LRRC37A2: variants seen among roughly 807,000 people sequenced by gnomAD.
LRRC37A2 encodes leucine rich repeat containing 37 member A2.
Under a neutral mutation model 68.8 loss-of-function variants are expected in LRRC37A2, and 9 were observed. The ratio of observed to expected loss-of-function variants is 0.13; its 90% CI spans 0.08 to 0.23. The LOEUF is 0.23. Among genes scored for constraint, LRRC37A2 ranks in the 10% least tolerant of loss-of-function variants. LRRC37A2 has a pLI of 1.00. For synonymous variants in LRRC37A2, 63 were observed against 367.6 expected (o/e 0.17, Z 9.48); for missense variants, 168 against 950.4 (o/e 0.18, Z 10.82).
chr17:46,777,685 A>AT, the LRRC37A2 span, among the ~76,000 whole-genome samples: 1 of 152,104 alleles, frequency 6.6e-6, no homozygotes, highest in Non-Finnish European at 1.5e-5. Flanking sequence ...ATCTCACTGA[A>AT]TCCTCACAAC....
the LRRC37A2 span, among the ~76,000 whole-genome samples, chr17:47,010,002 G>T: frequency 2.2e-3 from 330 of 152,342 alleles, 1 homozygote; most frequent in Non-Finnish European, 3.7e-3. Context: ...TTTCACAGAT[G>T]GTTGACCGAT....
At chr17:46,921,197 G>A in the LRRC37A2 span, 87,993 of 152,010 alleles carry the variant, frequency 0.58, 25,582 homozygotes, top group Non-Finnish European at 0.62. Context: ...CTGACAACAC[G>A]CATACGGTTA....
the LRRC37A2 span, chr17:46,833,225 G>A: frequency 3.6e-5 from 15 of 411,486 alleles, no homozygotes; most frequent in Middle Eastern, 3.7e-4. Flanking sequence ...CAGCATGTGC[G>A]TGGAAGCTGG....
At chr17:46,813,116 T>C in the LRRC37A2 span, among the ~76,000 whole-genome samples, 1 of 151,894 alleles carries the variant, frequency 6.6e-6, no homozygotes, top group South Asian at 2.1e-4. Flanking sequence ...CTCTTTGCGA[T>C]TTAGGTCAGA....
the LRRC37A2 span, chr17:46,711,030 C>T: frequency 8.8e-6 from 14 of 1,591,754 alleles, no homozygotes; most frequent in Admixed American, 1.6e-4. Flanking sequence ...TGGGGTGACC[C>T]AGTTACTCGA....
the LRRC37A2 span, among the ~76,000 whole-genome samples, chr17:47,031,000 G>A: frequency 2.9e-3 from 448 of 151,912 alleles, no homozygotes; most frequent in African/African-American, 0.01. Context: ...GGAAATTTTT[G>A]TAGTCATAAT....
chr17:46,864,395 C>T, the LRRC37A2 span, among the ~76,000 whole-genome samples: 1 of 152,190 alleles, frequency 6.6e-6, no homozygotes, highest in Non-Finnish European at 1.5e-5. Context: ...TTCCCTCTAT[C>T]TAGCCAAGTA....
chr17:46,955,566 A>G, the LRRC37A2 span: 3 of 152,170 alleles, frequency 2.0e-5, no homozygotes, highest in East Asian at 5.8e-4. Flanking sequence ...CATCTAAACT[A>G]CACTTATTAA....
the LRRC37A2 span, among the ~76,000 whole-genome samples, chr17:46,897,686 C>T: frequency 1.3e-5 from 2 of 151,800 alleles, no homozygotes; most frequent in South Asian, 2.1e-4. Flanking sequence ...GGGGTCTCAC[C>T]GTCATGTTGC....
chr17:46,472,647 C>G, the LRRC37A2 span, among the ~76,000 whole-genome samples: 2 of 13,844 alleles, frequency 1.4e-4, no homozygotes, highest in Middle Eastern at 0.028. Context: ...GTGGCTCACT[C>G]CTGTAATCCC....
the LRRC37A2 span, among the ~76,000 whole-genome samples, chr17:46,982,225 T>C: frequency 1.3e-4 from 20 of 152,344 alleles, no homozygotes; most frequent in African/African-American, 4.8e-4. Flanking sequence ...TTTGGCCCAA[T>C]TGGATTTCTG....
At chr17:46,755,400 A>C in the LRRC37A2 span, 1 of 1,525,834 alleles carries the variant, frequency 6.6e-7, no homozygotes, top group Non-Finnish European at 9.1e-7. Flanking sequence ...ATGACCATCA[A>C]CCAAACTTAC....
At chr17:46,774,288 G>A in the LRRC37A2 span, among the ~76,000 whole-genome samples, 14 of 152,236 alleles carry the variant, frequency 9.2e-5, no homozygotes, top group Non-Finnish European at 1.6e-4. Context: ...ATCAGGCTGG[G>A]CAATTTCCAA....
Position 46,543,685 on chromosome 17 carries a change from C to T in LRRC37A2, c.3054-2570C>T, listed in dbSNP as rs1185001091. ...TGTATAGACATACACACACGGAAAG[C>T]TAATGTGGCAAAGTATTAGCAACTA... On this transcript the variant is annotated intron_variant, in intron 8 of 14. Coordinates refer to ENST00000576629, the Ensembl canonical transcript of LRRC37A2. 4.0e-5 allele frequency among the ~76,000 whole-genome samples: 6 copies of T among 150,856 alleles called. 2 individuals are homozygous for T. Among genetic ancestry groups the T allele is most frequent in the African/African-American group, 1.5e-4 (6 of 40,174 alleles).
At chr17:46,972,971 T>C in the LRRC37A2 span, 1 of 153,686 alleles carries the variant, frequency 6.5e-6, no homozygotes, top group East Asian at 2.0e-4. Context: ...TAAAACTTCT[T>C]GTAGTATTCC....
chr17:46,412,906 CTA>C, the LRRC37A2 span: 1 of 149,310 alleles, frequency 6.7e-6, no homozygotes, highest in Admixed American at 9.2e-5. Context: ...TAAAGATTTT[CTA>C]TGTGATTTTC....
chr17:46,884,457 A>C, the LRRC37A2 span, among the ~76,000 whole-genome samples: 1 of 151,692 alleles, frequency 6.6e-6, no homozygotes, highest in Admixed American at 6.6e-5. Context: ...TCTGCTTCTC[A>C]TGTTTCCCCA....
the LRRC37A2 span, among the ~76,000 whole-genome samples, chr17:46,852,197 T>C: frequency 6.6e-6 from 1 of 151,996 alleles, no homozygotes; most frequent in African/African-American, 2.4e-5. Flanking sequence ...GCTGGGTGGA[T>C]GGGTGGGACG....
At chr17:46,784,799 G>GCT in the LRRC37A2 span, among the ~76,000 whole-genome samples, 2 of 142,304 alleles carry the variant, frequency 1.4e-5, no homozygotes, top group Non-Finnish European at 3.0e-5. Context: ...TTTTTGAGAT[G>GCT]GAGTCTCGCT....
Sources: gnomAD v4.1 joint callset for allele counts (sites outside exome capture counted in the v4.1 genomes callset) on GRCh38, gnomAD v4.1.1 for gene constraint, MANE v1.5 for transcripts, NCBI Gene and HGNC (gene_info 2026-07-23, HGNC 2026-07-21) for gene names.